Variants in CDKL5 observed in about 807,000 individuals in gnomAD.
CDKL5 encodes the protein cyclin dependent kinase like 5.
A neutral mutation model predicts 61.7 loss-of-function variants in CDKL5; 8 were observed. The observed-to-expected ratio is 0.13, with a 90% CI of 0.08 to 0.23. CDKL5 has a LOEUF of 0.23. Among genes scored for constraint, CDKL5 ranks in the 10% least tolerant of loss-of-function variants. The probability of loss-of-function intolerance (pLI) is 1.00; values close to 1 mark genes in which losing one functional copy is unlikely to be tolerated. For missense variants in CDKL5, 440 were observed against 734.5 expected (o/e 0.60, Z 4.63); for synonymous variants, 275 against 272.3 (o/e 1.01, Z -0.10).
intron 3 of CDKL5, among the ~76,000 whole-genome samples, chrX:18,517,999 C>T (rs746745015): frequency 8.9e-4 from 99 of 111,279 alleles, no homozygotes; most frequent in African/African-American, 3.1e-3. Flanking sequence ...AGCAAGACTC[C>T]GTCTCAGAAA....
At chrX:18,541,035 C>A (rs181273147) in intron 3 of CDKL5, among the ~76,000 whole-genome samples, 1 of 111,934 alleles carries the variant, frequency 8.9e-6, no homozygotes, top group African/African-American at 3.2e-5. Context: ...TCCTTTTAGC[C>A]TCTGTGGTTA....
intron 1 of CDKL5, among the ~76,000 whole-genome samples, chrX:18,441,047 C>G (rs1203005264): frequency 9.0e-6 from 1 of 111,358 alleles, no homozygotes; most frequent in Non-Finnish European, 1.9e-5. Flanking sequence ...ATGATGACCA[C>G]AGACATCTAG....
chrX:18,589,136 C>T (rs925971183), intron 9 of CDKL5: 2 of 106,327 alleles, frequency 1.9e-5, no homozygotes, highest in East Asian at 6.3e-4. Context: ...TTTAAGTTTT[C>T]AGCCAGTTTT....
At chrX:18,471,588 G>T (rs923520764) in intron 1 of CDKL5, among the ~76,000 whole-genome samples, 2 of 110,883 alleles carry the variant, frequency 1.8e-5, no homozygotes, top group Non-Finnish European at 3.8e-5. Flanking sequence ...GTCCAGGCTG[G>T]TGCCTTAACT....
At position 18,506,984 on chromosome X, in the gene CDKL5, C is replaced by A. The variant is rs771019923; in HGVS notation, c.-113C>A. ...AGAACAAATATGTGAAAGTTCCCAC[C>A]AACCAGTGAGAATTTCTTCCTTCAG... is the stretch of plus-strand genomic sequence containing the variant. On this transcript the variant is annotated 5_prime_UTR_variant, in exon 2 of 18. Coordinates refer to ENST00000623535, the MANE Select transcript of CDKL5 (RefSeq NM_001323289.2). 1.3e-5 allele frequency: 7 copies of A among 558,619 alleles called. No individual in the cohort carries two copies. The highest frequency in any genetic ancestry group is 1.2e-4 in the South Asian group (5 of 40,188). The allele number at this position is 558,619 out of a possible 1,213,427, so 46.0% of individuals were successfully genotyped here.
intron 3 of CDKL5, among the ~76,000 whole-genome samples, chrX:18,553,473 T>TGTGC (rs1218423258): frequency 3.0e-5 from 3 of 101,674 alleles, no homozygotes; most frequent in African/African-American, 1.2e-4. Flanking sequence ...TGCGTGTGTG[T>TGTGC]GTGTGTGTGT....
At chrX:18,468,003 T>G (rs1350373955) in intron 1 of CDKL5, among the ~76,000 whole-genome samples, 1 of 111,985 alleles carries the variant, frequency 8.9e-6, no homozygotes, top group Non-Finnish European at 1.9e-5. Context: ...GTGCTCAGAT[T>G]AAAAAAATAA....
chrX:18,447,387 C>T (rs6654042), intron 1 of CDKL5, among the ~76,000 whole-genome samples: 2,821 of 111,423 alleles, frequency 0.025, 80 homozygotes, highest in East Asian at 0.18. Context: ...TACCTAACTT[C>T]TCCCCTTCTC....
intron 1 of CDKL5, chrX:18,497,217 C>T (rs899945048): frequency 9.0e-6 from 1 of 111,210 alleles, no homozygotes; most frequent in Non-Finnish European, 1.9e-5. Context: ...AAATTTGTCT[C>T]CTTTTTGCTT....
At chrX:18,454,489 C>T (rs901290614) in intron 1 of CDKL5, among the ~76,000 whole-genome samples, 8 of 108,388 alleles carry the variant, frequency 7.4e-5, no homozygotes, top group Non-Finnish European at 1.3e-4. Context: ...CCTGCCTCGG[C>T]CTCCCAAAGT....
intron 3 of CDKL5, among the ~76,000 whole-genome samples, chrX:18,543,069 G>A (rs1466561322): frequency 2.7e-5 from 3 of 110,868 alleles, no homozygotes; most frequent in Admixed American, 9.6e-5. Context: ...TAACAGTGCC[G>A]CCTGCTTTCT....
intron 3 of CDKL5, among the ~76,000 whole-genome samples, chrX:18,548,755 G>A (rs181925931): frequency 1.3e-4 from 15 of 111,671 alleles, no homozygotes; most frequent in Non-Finnish European, 2.3e-4. Flanking sequence ...TAGCCATTGC[G>A]CACCTGAGCA....
chrX:18,552,010 C>T (rs1275943172), intron 3 of CDKL5, among the ~76,000 whole-genome samples: 2 of 106,820 alleles, frequency 1.9e-5, no homozygotes, highest in Admixed American at 1.0e-4. Flanking sequence ...GAGGCCGAGG[C>T]GGGTGGATCA....
chrX:18,497,723 C>G (rs1225094688), intron 1 of CDKL5, among the ~76,000 whole-genome samples: 2 of 111,079 alleles, frequency 1.8e-5, no homozygotes, highest in African/African-American at 6.5e-5. Context: ...TTAACCATCA[C>G]TCAAGACATA....
At chrX:18,523,286 C>T (rs1251703086) in intron 3 of CDKL5, among the ~76,000 whole-genome samples, 2 of 111,134 alleles carry the variant, frequency 1.8e-5, no homozygotes, top group Non-Finnish European at 3.8e-5. Context: ...CTCTCTAATT[C>T]CCCTATCCCC....
intron 1 of CDKL5, among the ~76,000 whole-genome samples, chrX:18,442,912 C>G (rs189004901): frequency 8.9e-6 from 1 of 111,898 alleles, no homozygotes; most frequent in African/African-American, 3.2e-5. Flanking sequence ...TTAACATGAG[C>G]GTTTCCTTAA....
downstream of CDKL5, chrX:18,644,333 C>A: frequency 1.3e-6 from 1 of 741,529 alleles, no homozygotes; most frequent in Non-Finnish European, 2.1e-6. Flanking sequence ...GCTGTGGAGT[C>A]GGTGCTCTGA....
Position 18,588,162 on chromosome X carries a change from A to G in CDKL5, c.744+19A>G. ...GCTCCGGGTAAGAGGTTTTGCTGAA[A>G]CCCAAAATGGAATCAATACTGCAGT... is the stretch of plus-strand genomic sequence containing the variant. On this transcript the variant is annotated intron_variant, in intron 9 of 17. Transcript: ENST00000623535. 1 of 1,170,533 alleles carries G rather than the reference A, an allele frequency of 8.5e-7. No individual in the cohort carries two copies. Among genetic ancestry groups the G allele is most frequent in the Non-Finnish European group, 1.2e-6 (1 of 858,206 alleles).
At chrX:18,590,958 C>G (rs1233519993) in intron 9 of CDKL5, among the ~76,000 whole-genome samples, 1 of 111,465 alleles carries the variant, frequency 9.0e-6, no homozygotes, top group African/African-American at 3.3e-5. Flanking sequence ...TCTCCAGATT[C>G]TCAGCACACT....
Sources: gnomAD v4.1 joint callset for allele counts (sites outside exome capture counted in the v4.1 genomes callset) on GRCh38, gnomAD v4.1.1 for gene constraint, MANE v1.5 for transcripts, NCBI Gene and HGNC (gene_info 2026-07-23, HGNC 2026-07-21) for gene names.